NAV3: variants seen among roughly 807,000 people sequenced by gnomAD.
NAV3 encodes neuron navigator 3.
NAV3 carries 87 observed loss-of-function variants against 244.7 expected under a neutral mutation model. That is an observed-to-expected ratio of 0.36 (90% confidence interval 0.30 to 0.42). NAV3 has a LOEUF of 0.42. NAV3 is among the 20% of genes least tolerant of loss of function. The probability of loss-of-function intolerance (pLI) is 1.00; values close to 1 mark genes in which losing one functional copy is unlikely to be tolerated. For synonymous variants in NAV3, 1,126 were observed against 1,042.2 expected (o/e 1.08, Z -1.55); for missense variants, 2,663 against 2,893.3 (o/e 0.92, Z 1.83).
At chr12:77,708,919 A>G (rs2137240251) in intron 2 of NAV3, among the ~76,000 whole-genome samples, 1 of 152,294 alleles carries the variant, frequency 6.6e-6, no homozygotes, top group African/African-American at 2.4e-5. Flanking sequence ...TTGTATCCTG[A>G]GACTTTGCTG....
intron 5 of NAV3, among the ~76,000 whole-genome samples, chr12:77,978,447 T>A (rs1251637103): frequency 1.3e-5 from 2 of 152,162 alleles, no homozygotes; most frequent in Non-Finnish European, 2.9e-5. Context: ...ATGAGCCACT[T>A]TCTTCTCAAA....
intron 2 of NAV3, among the ~76,000 whole-genome samples, chr12:77,822,677 G>A (rs1471547903): frequency 6.6e-6 from 1 of 152,024 alleles, no homozygotes; most frequent in African/African-American, 2.4e-5. Context: ...TTCATGCTCA[G>A]TATATCATAT....
chr12:78,096,518 A>G (rs1488178172), intron 12 of NAV3, among the ~76,000 whole-genome samples: 2 of 152,204 alleles, frequency 1.3e-5, no homozygotes, highest in East Asian at 1.9e-4. Context: ...ACAGTTCCAC[A>G]TGGCTGGGGA....
At chr12:78,044,821 A>G (rs1341071819) in intron 9 of NAV3, among the ~76,000 whole-genome samples, 1 of 152,150 alleles carries the variant, frequency 6.6e-6, no homozygotes, top group Non-Finnish European at 1.5e-5. Flanking sequence ...CAGCTTAAGG[A>G]GTTTTTGGCT....
At chr12:77,702,119 T>C (rs1875588916) in intron 2 of NAV3, among the ~76,000 whole-genome samples, 1 of 152,048 alleles carries the variant, frequency 6.6e-6, no homozygotes, top group Non-Finnish European at 1.5e-5. Context: ...AGATTTTGCT[T>C]TGTGTATTTT....
At chr12:77,586,352 C>T (rs922476638) in intron 2 of NAV3, among the ~76,000 whole-genome samples, 13 of 152,092 alleles carry the variant, frequency 8.5e-5, no homozygotes, top group African/African-American at 3.1e-4. Flanking sequence ...TTTTTATATG[C>T]TTCTTTTACA....
intron 2 of NAV3, among the ~76,000 whole-genome samples, chr12:77,709,860 A>G (rs1156297181): frequency 6.6e-6 from 1 of 152,184 alleles, no homozygotes; most frequent in Admixed American, 6.5e-5. Flanking sequence ...TTCCATATGT[A>G]GTTTCAAACT....
intron 9 of NAV3, among the ~76,000 whole-genome samples, chr12:78,031,252 T>TG (rs1303752204): frequency 6.6e-6 from 1 of 152,204 alleles, no homozygotes; most frequent in Admixed American, 6.5e-5. Flanking sequence ...TCTATTGCTG[T>TG]GTATTAAGCC....
chr12:77,725,234 A>G (rs997348372), intron 2 of NAV3, among the ~76,000 whole-genome samples: 4 of 152,112 alleles, frequency 2.6e-5, no homozygotes, highest in African/African-American at 9.6e-5. Context: ...CTATAAAAGG[A>G]TAAGAAGAGG....
intron 23 of NAV3, among the ~76,000 whole-genome samples, chr12:78,163,287 C>G (rs779054952): frequency 1.3e-5 from 2 of 152,058 alleles, no homozygotes; most frequent in African/African-American, 2.4e-5. Context: ...AACACTTTTC[C>G]TATTTCCAGA....
chr12:77,846,255 A>G (rs1483334901), intron 1 of NAV3, among the ~76,000 whole-genome samples: 2 of 152,220 alleles, frequency 1.3e-5, no homozygotes, highest in African/African-American at 2.4e-5. Context: ...TTAGGTATGA[A>G]CTATCTGAGA....
At chr12:77,664,823 C>T (rs1266408783) in intron 2 of NAV3, among the ~76,000 whole-genome samples, 1 of 152,178 alleles carries the variant, frequency 6.6e-6, no homozygotes, top group Non-Finnish European at 1.5e-5. Flanking sequence ...AGAGAAAACA[C>T]TCTAAAATCT....
At chr12:78,049,676 T>C (rs941672425) in intron 9 of NAV3, among the ~76,000 whole-genome samples, 3 of 152,168 alleles carry the variant, frequency 2.0e-5, no homozygotes, top group African/African-American at 7.2e-5. Flanking sequence ...CAGGTCATAA[T>C]CATAGATTTT....
intron 3 of NAV3, among the ~76,000 whole-genome samples, chr12:77,955,577 T>C (rs921297523): frequency 6.6e-6 from 1 of 152,090 alleles, no homozygotes; most frequent in Admixed American, 6.6e-5. Flanking sequence ...TGATCAGAAA[T>C]AGACCCTTCT....
At chr12:77,839,831 A>T (rs1228321901) in intron 1 of NAV3, among the ~76,000 whole-genome samples, 2 of 152,146 alleles carry the variant, frequency 1.3e-5, no homozygotes, top group African/African-American at 4.8e-5. Flanking sequence ...GCACTTTGGG[A>T]GGCCAAGGAA....
chr12:78,095,064 TAC>T (rs56856471), intron 12 of NAV3, among the ~76,000 whole-genome samples: 2,027 of 137,512 alleles, frequency 0.015, 55 homozygotes, highest in Admixed American at 0.051. Context: ...TATATATATA[TAC>T]ACACACACAC....
upstream of NAV3, among the ~76,000 whole-genome samples, chr12:77,830,326 C>T (rs1873477310): frequency 2.0e-5 from 3 of 152,154 alleles, no homozygotes; most frequent in Admixed American, 1.3e-4. Flanking sequence ...TTCTTTCCCC[C>T]TTTCTAGCTT....
chr12:77,811,110 A>G (rs1385986187), intron 2 of NAV3, among the ~76,000 whole-genome samples: 1 of 152,260 alleles, frequency 6.6e-6, no homozygotes, highest in East Asian at 1.9e-4. Flanking sequence ...AAAAGCTAAT[A>G]CTAAAATACA....
intron 1 of NAV3, among the ~76,000 whole-genome samples, chr12:77,851,410 G>C (rs1877503465): frequency 6.6e-6 from 1 of 152,174 alleles, no homozygotes; most frequent in Admixed American, 6.5e-5. Flanking sequence ...TAGTGCCACT[G>C]TATGCTGTGG....
Sources: allele counts gnomAD v4.1 joint callset (sites outside exome capture counted in the v4.1 genomes callset), GRCh38; gene constraint gnomAD v4.1.1; transcripts MANE v1.5; gene names NCBI Gene and HGNC (gene_info 2026-07-23, HGNC 2026-07-21).